SORT1: variants seen among roughly 807,000 people sequenced by gnomAD.
SORT1 encodes the protein sortilin 1, also known as sortilin.
SORT1 carries 39 observed loss-of-function variants against 101.7 expected under a neutral mutation model. The ratio of observed to expected loss-of-function variants is 0.38; its 90% CI spans 0.30 to 0.50. The LOEUF (loss-of-function observed/expected upper bound fraction) is 0.50. SORT1 is among the 20% of genes least tolerant of loss of function. The pLI is 0.90. For missense variants in SORT1, 878 were observed against 1,040.4 expected (o/e 0.84, Z 2.15); for synonymous variants, 396 against 393.7 (o/e 1.01, Z -0.07).
At chr1:109,342,261 T>C in intron 8 of SORT1, 103 bp from the exon 9 acceptor site, 2 of 860,888 alleles carry the variant, frequency 2.3e-6, no homozygotes, top group Non-Finnish European at 1.8e-6. Flanking sequence ...TCCATTTCTC[T>C]ACTGGGTACG....
intron 17 of SORT1, among the ~76,000 whole-genome samples, chr1:109,316,225 C>T (rs1322258316): frequency 6.8e-6 from 1 of 147,888 alleles, no homozygotes; most frequent in African/African-American, 2.5e-5. Flanking sequence ...CACAGACAAC[C>T]TTTTTTTTTT....
chr1:109,336,457 CA>C, intron 10 of SORT1, 111 bp from the exon 11 acceptor site: 1 of 714,640 alleles, frequency 1.4e-6, no homozygotes, highest in Non-Finnish European at 2.5e-6. Context: ...TGGAGTCCGA[CA>C]AGCTTGTAAC....
rs374345783 is a variant in SORT1, at chr1:109,318,797, C to T, written c.2025-828G>A. On this transcript the variant is annotated intron_variant, in intron 15 of 19. Coordinates refer to ENST00000256637, the MANE Select transcript of SORT1 (RefSeq NM_002959.7). ...CCTCCCAAGGAGCTGGAACCACATG[C>T]ATGCACCACCATGCTCGTCTAATTC... is the stretch of plus-strand genomic sequence containing the variant. Among the ~76,000 whole-genome samples, 5 of 152,274 alleles carry T rather than the reference C, an allele frequency of 3.3e-5. No homozygotes were observed. The South Asian group carries it at 1.0e-3, about 32-fold the overall frequency.
chr1:109,354,009 T>C (rs1177806913), intron 5 of SORT1, among the ~76,000 whole-genome samples: 7 of 152,226 alleles, frequency 4.6e-5, no homozygotes, highest in African/African-American at 1.7e-4. Flanking sequence ...AAGATGTTGT[T>C]TGATCATAGA....
At chr1:109,384,778 C>A (rs777091127) in intron 1 of SORT1, among the ~76,000 whole-genome samples, 1 of 152,052 alleles carries the variant, frequency 6.6e-6, no homozygotes, top group Non-Finnish European at 1.5e-5. Flanking sequence ...ACAGGAGACA[C>A]AGAAAAGAAA....
At chr1:109,378,617 T>C (rs543057874) in intron 1 of SORT1, among the ~76,000 whole-genome samples, 11 of 148,772 alleles carry the variant, frequency 7.4e-5, no homozygotes, top group Admixed American at 7.4e-4. Flanking sequence ...CCGAAGAATG[T>C]TCTATAATAT....
intron 11 of SORT1, among the ~76,000 whole-genome samples, chr1:109,330,404 G>A (rs1648382841): frequency 1.0e-5 from 1 of 96,288 alleles, no homozygotes; most frequent in Non-Finnish European, 2.2e-5. Context: ...CAACCAATGA[G>A]TCAAAGGGAA....
intron 14 of SORT1, among the ~76,000 whole-genome samples, chr1:109,323,781 A>T (rs59945429): frequency 4.6e-5 from 7 of 152,178 alleles, no homozygotes; most frequent in Admixed American, 3.3e-4. Context: ...ACAGCCTGCT[A>T]AAGAGCAGGT....
At chr1:109,350,692 C>A (rs1289861828) in intron 6 of SORT1, among the ~76,000 whole-genome samples, 1 of 152,164 alleles carries the variant, frequency 6.6e-6, no homozygotes, top group Non-Finnish European at 1.5e-5. Flanking sequence ...AACTCAGTCA[C>A]CTGCCTTGTT....
chr1:109,371,051 T>C (rs1203471759), intron 1 of SORT1, among the ~76,000 whole-genome samples: 1 of 152,248 alleles, frequency 6.6e-6, no homozygotes, highest in Non-Finnish European at 1.5e-5. Flanking sequence ...CTCTGGACCG[T>C]AAGTACCTTT....
At position 109,325,055 on chromosome 1, in the gene SORT1, A is replaced by T. The variant is rs772866727; in HGVS notation, c.1678T>A (p.Tyr560Asn). 6.2e-7 allele frequency: 1 copy of T among 1,613,314 alleles called. No homozygotes were observed. The highest frequency in any genetic ancestry group is 8.5e-7 in the Non-Finnish European group (1 of 1,179,442). ...TAGATGGGGTCCCTGGTGAACGTGT[A>T]GGTTTGCCAGCATTGACCTTCGTCT... ...STDEGQCWQTYTFTRDPIYFT... is the reference protein window; with the variant it reads ...STDEGQCWQTNTFTRDPIYFT... The change falls in exon 14 of 20, where the codon TAC becomes AAC. Residue 560 changes from tyrosine to asparagine, a missense_variant. This residue lies in a region of SORT1 where 684 missense variants were observed against 894.5 expected (regional missense o/e 0.76). Coordinates refer to ENST00000256637, the MANE Select transcript of SORT1 (RefSeq NM_002959.7).
chr1:109,337,474 C>T (rs913238108), intron 10 of SORT1, among the ~76,000 whole-genome samples: 5 of 152,068 alleles, frequency 3.3e-5, no homozygotes, highest in Non-Finnish European at 7.4e-5. Flanking sequence ...AACTTCTGAC[C>T]TCAGGTGATT....
intron 1 of SORT1, among the ~76,000 whole-genome samples, chr1:109,386,656 C>T (rs371747952): frequency 6.6e-6 from 1 of 152,206 alleles, no homozygotes; most frequent in African/African-American, 2.4e-5. Context: ...AATCCCAGAC[C>T]AGCCTAGGCA....
chr1:109,330,348 T>C (rs745521068), intron 11 of SORT1, among the ~76,000 whole-genome samples: 10 of 151,978 alleles, frequency 6.6e-5, no homozygotes, highest in Admixed American at 1.3e-4. Flanking sequence ...GGGAGGAAAA[T>C]TGGAAAATTC....
chr1:109,368,066 G>T (rs1651209497), intron 2 of SORT1, among the ~76,000 whole-genome samples: 1 of 152,002 alleles, frequency 6.6e-6, no homozygotes, highest in Non-Finnish European at 1.5e-5. Flanking sequence ...GGCTGAGGCG[G>T]ACGGATCACT....
chr1:109,374,120 G>A (rs994394552), intron 1 of SORT1, among the ~76,000 whole-genome samples: 5 of 151,964 alleles, frequency 3.3e-5, no homozygotes, highest in African/African-American at 4.8e-5. Flanking sequence ...AACCAGGCAC[G>A]CAAAGAAGAA....
chr1:109,324,898 C>T lies in SORT1; in HGVS notation c.1834+1G>A, dbSNP rs1430179269. The T allele has an allele frequency of 6.3e-7, 1 of 1,589,638 alleles. No individual in the cohort carries two copies. ...TAGAAAAGGTCAAAGGAGACACTCACAGTTCCTTTCAAGGATATCTTTAAA... is the reference window on the plus strand; with the variant it reads ...TAGAAAAGGTCAAAGGAGACACTCATAGTTCCTTTCAAGGATATCTTTAAA... On this transcript the variant is annotated splice_donor_variant, in intron 14 of 19. Coordinates refer to ENST00000256637, the MANE Select transcript of SORT1 (RefSeq NM_002959.7). LOFTEE classifies it high-confidence loss of function.
At chr1:109,324,641 C>G (rs1647866189) in intron 14 of SORT1, among the ~76,000 whole-genome samples, 1 of 152,102 alleles carries the variant, frequency 6.6e-6, no homozygotes, top group East Asian at 1.9e-4. Context: ...TTTCTTTTTA[C>G]TTTTATAATA....
chr1:109,340,752 G>C lies in SORT1; in HGVS notation c.1236C>G (p.Gly412=). 6.2e-7 allele frequency: 1 copy of C among 1,614,094 alleles called. No individual in the cohort carries two copies. The highest frequency in any genetic ancestry group is 1.1e-5 in the South Asian group (1 of 91,074). The change falls in exon 10 of 20, where the codon GGC becomes GGG. Residue 412 remains glycine, a synonymous_variant. Coordinates refer to ENST00000256637, the MANE Select transcript of SORT1 (RefSeq NM_002959.7). ...TDFTNVTSLR[G]VYITSVLSED... ...CGGAGAGCACGCTTGTTATGTAGAC[G>C]CCGCGGAGGGAGGTCACGTTGGTAA... is the stretch of plus-strand genomic sequence containing the variant.
Sources: allele counts gnomAD v4.1 joint callset (sites outside exome capture counted in the v4.1 genomes callset), GRCh38; gene constraint gnomAD v4.1.1; regional missense constraint gnomAD v4.1.1; transcripts MANE v1.5; gene names NCBI Gene and HGNC (gene_info 2026-07-23, HGNC 2026-07-21).